NID1: variants seen among roughly 807,000 people sequenced by gnomAD.
NID1 encodes the protein nidogen 1.
NID1 carries 76 observed loss-of-function variants against 130.6 expected under a neutral mutation model. The ratio of observed to expected loss-of-function variants is 0.58; its 90% CI spans 0.48 to 0.70. The LOEUF (loss-of-function observed/expected upper bound fraction) is 0.70, where lower values mean the gene tolerates loss of function less well. NID1 is among the 30% of genes least tolerant of loss of function. The pLI is 0.00. For missense variants in NID1, 1,517 were observed against 1,664.8 expected (o/e 0.91, Z 1.54); for synonymous variants, 665 against 675.1 (o/e 0.98, Z 0.23).
At chr1:235,981,483 T>C in intron 16 of NID1, 128 bp downstream of exon 16, 1 of 989,692 alleles carries the variant, frequency 1.0e-6, no homozygotes, top group Non-Finnish European at 1.5e-6. Flanking sequence ...ACCAAAACTG[T>C]AGACTCTTTC....
chr1:236,034,078 G>A (rs1035743925), intron 5 of NID1, among the ~76,000 whole-genome samples: 112 of 152,118 alleles, frequency 7.4e-4, no homozygotes, highest in Non-Finnish European at 9.0e-4. Context: ...ACTGATGAAT[G>A]GATAAACAAA....
At chr1:235,980,402 G>C in intron 17 of NID1, 94 bp downstream of exon 17, 3 of 1,288,710 alleles carry the variant, frequency 2.3e-6, no homozygotes, top group Non-Finnish European at 3.2e-6. Context: ...ATAAAAACAG[G>C]TGGCTGGTTA....
At chr1:236,028,627 G>A (rs868352694) in intron 7 of NID1, among the ~76,000 whole-genome samples, 24 of 152,024 alleles carry the variant, frequency 1.6e-4, no homozygotes, top group Middle Eastern at 6.8e-3. Context: ...AAAAACAAAT[G>A]AAGTGTTTAA....
At chr1:235,981,145 G>C (rs1657424904) in intron 16 of NID1, among the ~76,000 whole-genome samples, 1 of 152,162 alleles carries the variant, frequency 6.6e-6, no homozygotes, top group Non-Finnish European at 1.5e-5. Context: ...GAGGAACTAA[G>C]AGCCTGTTGT....
At chr1:235,987,321 A>G (rs1303440575) in intron 14 of NID1, among the ~76,000 whole-genome samples, 2 of 152,230 alleles carry the variant, frequency 1.3e-5, no homozygotes, top group Admixed American at 1.3e-4. Context: ...CCATCTGCCC[A>G]TAGGTTGATT....
intron 1 of NID1, among the ~76,000 whole-genome samples, chr1:236,055,800 G>C (rs1403288487): frequency 6.6e-6 from 1 of 152,054 alleles, no homozygotes; most frequent in Non-Finnish European, 1.5e-5. Flanking sequence ...GTTTTTATTT[G>C]GTTTTGTTTT....
intron 3 of NID1, among the ~76,000 whole-genome samples, chr1:236,042,769 T>C (rs1157318686): frequency 6.7e-6 from 1 of 149,292 alleles, no homozygotes; most frequent in East Asian, 2.0e-4. Flanking sequence ...CTACAGCCTT[T>C]GGAATTTCTG....
intron 12 of NID1, among the ~76,000 whole-genome samples, chr1:236,000,784 C>T (rs149428076): frequency 6.6e-6 from 1 of 152,216 alleles, no homozygotes; most frequent in South Asian, 2.1e-4. Context: ...AAATTGGTTT[C>T]TCTGTGTTCA....
chr1:236,020,116 G>C (rs1018730141), intron 9 of NID1, among the ~76,000 whole-genome samples: 2 of 150,888 alleles, frequency 1.3e-5, no homozygotes, highest in African/African-American at 4.9e-5. Flanking sequence ...TTCTTCAGTG[G>C]TATTGAAAAC....
intron 15 of NID1, among the ~76,000 whole-genome samples, chr1:235,985,025 T>TA (rs567454135): frequency 1.2e-4 from 18 of 150,224 alleles, no homozygotes; most frequent in South Asian, 8.5e-4. Flanking sequence ...CTGTCTCTAC[T>TA]AAAAAAAAAT....
At chr1:236,002,708 T>G (rs1658114574) in intron 12 of NID1, among the ~76,000 whole-genome samples, 1 of 151,972 alleles carries the variant, frequency 6.6e-6, no homozygotes. Context: ...GGGGTTAGGT[T>G]AGAGAGGACT....
chr1:236,017,723 C>T lies in NID1; in HGVS notation c.2129-450G>A, dbSNP rs530816484. On this transcript the variant is annotated intron_variant, in intron 9 of 19. Coordinates refer to ENST00000264187, the MANE Select transcript of NID1 (RefSeq NM_002508.3). ...TATGTATCAAAAGTAGTGTTAAATACAATTTTTGTCTGTGCATAACTGGAG... is the reference window on the plus strand; with the variant it reads ...TATGTATCAAAAGTAGTGTTAAATATAATTTTTGTCTGTGCATAACTGGAG... 6.6e-5 allele frequency among the ~76,000 whole-genome samples: 10 copies of T among 152,260 alleles called. No individual in the cohort carries two copies. The South Asian group carries it at 1.9e-3, about 28-fold the overall frequency.
intron 1 of NID1, among the ~76,000 whole-genome samples, chr1:236,051,416 G>A (rs995724220): frequency 1.3e-5 from 2 of 152,160 alleles, no homozygotes; most frequent in Admixed American, 6.6e-5. Context: ...TAATAAAAAG[G>A]TTCAATGTGC....
chr1:235,988,431 G>T (rs1657631791), intron 14 of NID1, among the ~76,000 whole-genome samples: 1 of 152,218 alleles, frequency 6.6e-6, no homozygotes, highest in Non-Finnish European at 1.5e-5. Context: ...CTGCTGGTGA[G>T]TAGGTAAAAT....
chr1:235,980,351 C>T, intron 17 of NID1, 145 bp downstream of exon 17: 1 of 763,642 alleles, frequency 1.3e-6, no homozygotes, highest in Non-Finnish European at 2.1e-6. Flanking sequence ...ATTTAATGTA[C>T]CAGATAAAAC....
rs753674956 is a variant in NID1 at position 236,024,174 on chromosome 1, C to T, written c.2024G>A (p.Gly675Asp). The T allele has an allele frequency of 6.2e-7, 1 of 1,614,242 alleles. No individual in the cohort carries two copies. The highest frequency in any genetic ancestry group is 1.1e-5 in the South Asian group (1 of 91,078). ...PDALQNPCYI[G>D]THGCDTNAAC... ...CGCGTTGGTGTCACACCCATGAGTGCCGATGTAGCAGGGATTCTGAAGAGC... is the reference window on the plus strand; with the variant it reads ...CGCGTTGGTGTCACACCCATGAGTGTCGATGTAGCAGGGATTCTGAAGAGC... Residue 675 changes from glycine (G) to aspartate (D), a missense_variant, in exon 9 of 20, where the codon GGC becomes GAC. This residue lies in a region of NID1 where 1,329 missense variants were observed against 1,429.2 expected (regional missense o/e 0.93). Coordinates refer to ENST00000264187, the MANE Select transcript of NID1 (RefSeq NM_002508.3).
At chr1:236,015,946 G>A (rs1043225982) in intron 10 of NID1, among the ~76,000 whole-genome samples, 2 of 152,082 alleles carry the variant, frequency 1.3e-5, no homozygotes, top group Non-Finnish European at 2.9e-5. Context: ...CAGAAACCCA[G>A]GTCACCATGC....
Position 235,979,982 on chromosome 1 carries a change from C to T in NID1, c.3386-37G>A, listed in dbSNP as rs756402815. On this transcript the variant is annotated intron_variant, in intron 17 of 19. Coordinates refer to ENST00000264187, the MANE Select transcript of NID1 (RefSeq NM_002508.3). This position sits in a 1 kb window ranked among gnomAD's most constrained non-coding sequence, Gnocchi z 4.6. ...GGAAACAATTCATTCATTGTTCACA[C>T]AAGAAATGGCCCCTTTGTGCAAAAA... is the stretch of plus-strand genomic sequence containing the variant. 1.6e-5 allele frequency: 25 copies of T among 1,606,122 alleles called. No homozygotes were observed. The highest frequency in any genetic ancestry group is 2.0e-5 in the Non-Finnish European group (24 of 1,176,270).
At chr1:236,016,367 G>A (rs1040689375) in intron 10 of NID1, among the ~76,000 whole-genome samples, 7 of 152,114 alleles carry the variant, frequency 4.6e-5, no homozygotes, top group African/African-American at 9.7e-5. Context: ...AGGGTTTAGC[G>A]AACAGTGAGG....
Sources: allele counts gnomAD v4.1 joint callset (sites outside exome capture counted in the v4.1 genomes callset), GRCh38; gene constraint gnomAD v4.1.1; regional missense constraint gnomAD v4.1.1; non-coding constraint Gnocchi (gnomAD v3.1); transcripts MANE v1.5; gene names NCBI Gene and HGNC (gene_info 2026-07-23, HGNC 2026-07-21).